The following CA9 variants were observed in gnomAD, a reference collection of about 807,000 sequenced individuals.
CA9 encodes CA-IX.
A neutral mutation model predicts 51.8 loss-of-function variants in CA9; 43 were observed. That is an observed-to-expected ratio of 0.83 (90% CI 0.65 to 1.07). The LOEUF (loss-of-function observed/expected upper bound fraction) is 1.07, where lower values mean the gene tolerates loss of function less well. Ranked by LOEUF, CA9 falls within the 50% of genes least tolerant of loss-of-function variation. CA9 has a pLI of 0.00. For synonymous variants in CA9, 253 were observed against 244.2 expected, an observed-to-expected ratio of 1.04 and a Z score of -0.34; for missense variants, 574 against 581.4, an observed-to-expected ratio of 0.99 and a Z score of 0.13.
At chr9:35,675,957 T>C in intron 3 of CA9, 26 bp downstream of exon 3, 2 of 1,599,494 alleles carry the variant, frequency 1.3e-6, no homozygotes, top group Non-Finnish European at 1.7e-6. Flanking sequence ...CGCCGAGACT[T>C]GGGGATGGGG....
chr9:35,680,022 C>A, intron 8 of CA9, 24 bp downstream of exon 8: 2 of 1,614,236 alleles, frequency 1.2e-6, no homozygotes, highest in Non-Finnish European at 1.7e-6. Flanking sequence ...TGGTTTCCCC[C>A]CAGCCAGTAG....
At position 35,678,346 on chromosome 9, in the gene CA9, C is replaced by CAA. The variant is rs11327436; in HGVS notation, c.907+507_907+508dup. The stretch of plus-strand genomic sequence containing the variant: ...GGGCAACAGAGCGAGACTCTTGTCT[C>CAA]AAAAAAAAAAAAAAAAAAGAAAACC... On this transcript the variant is annotated intron_variant, in intron 6 of 10. Transcript: ENST00000378357. Among the ~76,000 whole-genome samples the CAA allele has an allele frequency of 6.7e-3, 627 of 93,630 alleles. 11 individuals carry two copies. Among genetic ancestry groups the CAA allele is most frequent in the South Asian group, 0.034 (82 of 2,412 alleles). 61.4% of individuals were successfully genotyped at this position (93,630 alleles called of 152,430 possible).
Position 35,680,841 on chromosome 9 carries a change from C to A in CA9, c.1319+7C>A. On this transcript the variant is annotated splice_region_variant and intron_variant, in intron 10 of 10. Coordinates refer to ENST00000378357, the MANE Select transcript of CA9 (RefSeq NM_001216.3). ...AGATGAGAAGGCAGCACAGGTATTA[C>A]ACTGACCCTTTCTTCAGGCACAAGC... The A allele has an allele frequency of 6.2e-7, 1 of 1,614,022 alleles. No individual in the cohort carries two copies. Among genetic ancestry groups the A allele is most frequent in the African/African-American group, 1.3e-5 (1 of 75,056 alleles).
At chr9:35,675,335 G>A in intron 1 of CA9, 1 of 624,600 alleles carries the variant, frequency 1.6e-6, no homozygotes, top group Non-Finnish European at 2.9e-6. Flanking sequence ...GACAATGATT[G>A]CAAGCTGGTA....
rs1563922192 is a variant in CA9 at position 35,675,866 on chromosome 9, T to A, written c.539T>A (p.Leu180Gln). The change falls in exon 3 of 11, where the codon CTG (leucine) becomes CAG (glutamine). Residue 180 changes from leucine (L) to glutamine (Q), a missense_variant. Leu to Gln is a moderately radical substitution (Grantham distance 113). Transcript: ENST00000378357. ...GCCTTCTGCCCGGCCCTGCGCCCCC[T>A]GGAACTCCTGGGCTTCCAGCTCCCG... ...LAAFCPALRPLELLGFQLPPL... is the reference protein window; with the variant it reads ...LAAFCPALRPQELLGFQLPPL... 19 of 1,605,978 alleles carry A rather than the reference T, an allele frequency of 1.2e-5. No individual in the cohort carries two copies. Among genetic ancestry groups the A allele is most frequent in the Non-Finnish European group, 1.5e-5 (18 of 1,179,330 alleles).
At position 35,676,077 on chromosome 9, in the gene CA9, G is replaced by T. The variant is rs1157452304; in HGVS notation, c.618G>T (p.Leu206=). 1 of 1,613,300 alleles carries T rather than the reference G, an allele frequency of 6.2e-7. No individual in the cohort carries two copies. The highest frequency in any genetic ancestry group is 8.5e-7 in the Non-Finnish European group (1 of 1,179,806). ...CTCCCTACGCAGTGCAACTGACCCT[G>T]CCTCCTGGGCTAGAGATGGCTCTGG... The part of the protein sequence containing the change: ...RNNGHSVQLT[L]PPGLEMALGP... The change falls in exon 4 of 11, where the codon CTG becomes CTT. Residue 206 remains leucine, a synonymous_variant. Coordinates refer to ENST00000378357, the MANE Select transcript of CA9 (RefSeq NM_001216.3).
At chr9:35,679,437 T>C in intron 7 of CA9, 95 bp downstream of exon 7, 1 of 1,470,344 alleles carries the variant, frequency 6.8e-7, no homozygotes, top group South Asian at 1.3e-5. Context: ...AAGGCTGGGC[T>C]CTGTGGCTTA....
chr9:35,675,182 C>T (rs1210324994), intron 1 of CA9: 6 of 255,294 alleles, frequency 2.4e-5, no homozygotes, highest in Non-Finnish European at 3.8e-5. Context: ...TTAGTAGAGA[C>T]GGGGTTTCGC....
intron 7 of CA9, 141 bp downstream of exon 7, chr9:35,679,483 G>A: frequency 9.0e-7 from 1 of 1,110,672 alleles, no homozygotes; most frequent in Non-Finnish European, 1.3e-6. Flanking sequence ...GGCTGAGGTG[G>A]GAGAATGGTT....
intron 9 of CA9, 67 bp downstream of exon 9, chr9:35,680,206 G>A: frequency 1.3e-6 from 2 of 1,577,720 alleles, no homozygotes; most frequent in South Asian, 1.1e-5. Context: ...CCCCAGGGCT[G>A]CTCAGGACCG....
At position 35,675,858 on chromosome 9, in the gene CA9, G is replaced by A. The variant is rs1008355765; in HGVS notation, c.531G>A (p.Leu177=). 2.5e-6 allele frequency: 4 copies of A among 1,605,430 alleles called. No homozygotes were observed. The highest frequency in any genetic ancestry group is 2.5e-6 in the Non-Finnish European group (3 of 1,179,456). ...RPQLAAFCPA[L]RPLELLGFQL... ...AGCTCGCCGCCTTCTGCCCGGCCCT[G>A]CGCCCCCTGGAACTCCTGGGCTTCC... is the stretch of plus-strand genomic sequence containing the variant. The change falls in exon 3 of 11, where the codon CTG becomes CTA. Residue 177 remains leucine, a synonymous_variant. Transcript: ENST00000378357.
intron 3 of CA9, 25 bp from the exon 4 acceptor site, chr9:35,676,039 G>A: frequency 6.2e-7 from 1 of 1,610,908 alleles, no homozygotes. Context: ...GGGCGGGGCC[G>A]GCTCACTTGC....
rs1418623988 is a variant in CA9, at chr9:35,675,908, G to A, written c.581G>A (p.Arg194His). 4 of 1,608,528 alleles carry A rather than the reference G, an allele frequency of 2.5e-6. No individual in the cohort carries two copies. The highest frequency in any genetic ancestry group is 2.5e-6 in the Non-Finnish European group (3 of 1,178,732). ...CAGCTCCCGCCGCTCCCAGAACTGC[G>A]CCTGCGCAACAATGGCCACAGTGGT... ...GFQLPPLPELRLRNNGHSVQL... is the reference protein window; with the variant it reads ...GFQLPPLPELHLRNNGHSVQL... The change falls in exon 3 of 11, where the codon CGC (arginine) becomes CAC (histidine). Residue 194 changes from arginine to histidine, a missense_variant. Arg to His is a conservative substitution (Grantham distance 29). Transcript: ENST00000378357.
rs770097053 is a variant in CA9 at position 35,681,000 on chromosome 9, C to G, written c.1355C>G (p.Ala452Gly). 9.9e-6 allele frequency: 16 copies of G among 1,613,974 alleles called. No individual in the cohort carries two copies. The East Asian group carries it at 3.6e-4, about 36-fold the overall frequency. The change falls in exon 11 of 11, where the codon GCA (alanine) becomes GGA (glycine). Residue 452 changes from alanine to glycine, a missense_variant. Transcript: ENST00000378357. ...GTKGGVSYRP[A>G]EVAETGA Reference sequence around the variant, plus strand: ...AAAGGGGGTGTGAGCTACCGCCCAGCAGAGGTAGCCGAGACTGGAGCCTAG... The same window carrying G: ...AAAGGGGGTGTGAGCTACCGCCCAGGAGAGGTAGCCGAGACTGGAGCCTAG...
rs61734330 is a variant in CA9, at chr9:35,679,244, C to T, written c.967C>T (p.Arg323Cys). The change falls in exon 7 of 11, where the codon CGC becomes TGC. Residue 323 changes from arginine (R) to cysteine (C), a missense_variant. Arg to Cys is a radical substitution (Grantham distance 180). Transcript: ENST00000378357. ...ISALLPSDFSRYFQYEGSLTT... is the reference protein window; with the variant it reads ...ISALLPSDFSCYFQYEGSLTT... ...TGCACTCCTGCCCTCTGACTTCAGC[C>T]GCTACTTCCAATATGAGGGGTCTCT... is the stretch of plus-strand genomic sequence containing the variant. 20 of 1,614,154 alleles carry T rather than the reference C, an allele frequency of 1.2e-5. No individual in the cohort carries two copies. The highest frequency in any genetic ancestry group is 3.3e-4 in the Middle Eastern group (2 of 6,062).
At position 35,676,124 on chromosome 9, in the gene CA9, C is replaced by T. The variant is rs1460165868; in HGVS notation, c.665C>T (p.Ala222Val). ...CTGGGTCCCGGGCGGGAGTACCGGGCTCTGCAGCTGCATCTGCACTGGGGG... is the reference window on the plus strand; with the variant it reads ...CTGGGTCCCGGGCGGGAGTACCGGGTTCTGCAGCTGCATCTGCACTGGGGG... The part of the protein sequence containing the change: ...MALGPGREYR[A>V]LQLHLHWGAA... The change falls in exon 4 of 11, where the codon GCT becomes GTT. Residue 222 changes from alanine (A) to valine (V), a missense_variant. Transcript: ENST00000378357. 2.5e-6 allele frequency: 4 copies of T among 1,613,678 alleles called. No homozygotes were observed. The South Asian group carries it at 4.4e-5, about 18-fold the overall frequency.
At chr9:35,679,115 G>A in intron 6 of CA9, 70 bp from the exon 7 acceptor site, 2 of 1,545,816 alleles carry the variant, frequency 1.3e-6, no homozygotes, top group South Asian at 1.1e-5. Context: ...AGGTGAAACT[G>A]TATCCCTATA....
At chr9:35,675,740 C>A in intron 2 of CA9, 21 bp from the exon 3 acceptor site, 2 of 1,596,814 alleles carry the variant, frequency 1.3e-6, no homozygotes, top group South Asian at 1.1e-5. Flanking sequence ...CAGACTTCCT[C>A]ACTATACTCT....
rs760755501 is a variant in CA9, at chr9:35,680,869, C to T, written c.1319+35C>T. 3.1e-6 allele frequency: 5 copies of T among 1,610,424 alleles called. No homozygotes were observed. The African/African-American group carries it at 4.0e-5, about 13-fold the overall frequency. On this transcript the variant is annotated intron_variant, in intron 10 of 10. Transcript: ENST00000378357. ...TGACCCTTTCTTCAGGCACAAGCTTCCCCCACCCTTGTGGAGTCACTTCAT... is the reference window on the plus strand; with the variant it reads ...TGACCCTTTCTTCAGGCACAAGCTTTCCCCACCCTTGTGGAGTCACTTCAT...
Sources: gnomAD v4.1 joint callset for allele counts (sites outside exome capture counted in the v4.1 genomes callset) on GRCh38, gnomAD v4.1.1 for gene constraint, MANE v1.5 for transcripts, NCBI Gene and HGNC (gene_info 2026-07-23, HGNC 2026-07-21) for gene names.